The following ETV7 variants were observed in gnomAD, a reference collection of about 807,000 sequenced individuals.
ETV7 encodes the protein ETS variant transcription factor 7, also known as transcription factor ETV7.
A neutral mutation model predicts 39.1 loss-of-function variants in ETV7; 43 were observed. That is an observed-to-expected ratio of 1.10 (90% CI 0.86 to 1.42). The LOEUF is 1.42. Ranked by LOEUF, ETV7 falls within the 40% of genes most tolerant of loss-of-function variation. The pLI is 0.00. For missense variants in ETV7, 432 were observed against 442.3 expected, an observed-to-expected ratio of 0.98 and a Z score of 0.21; for synonymous variants, 196 against 176.6, an observed-to-expected ratio of 1.11 and a Z score of -0.87.
intron 3 of ETV7, 99 bp downstream of exon 3, chr6:36,375,772 A>G (rs943846745): frequency 8.9e-6 from 14 of 1,572,870 alleles, no homozygotes; most frequent in Non-Finnish European, 1.2e-5. Context: ...TCCCCAAGGA[A>G]GACCCCTCCA....
chr6:36,372,984 T>G (rs1773107437), intron 4 of ETV7, among the ~76,000 whole-genome samples: 2 of 148,390 alleles, frequency 1.3e-5, no homozygotes, highest in Non-Finnish European at 3.0e-5. Context: ...GAAGAGGAGG[T>G]CGAGGAGACA....
At chr6:36,371,125 A>G (rs1010935276) in intron 5 of ETV7, among the ~76,000 whole-genome samples, 4 of 152,178 alleles carry the variant, frequency 2.6e-5, no homozygotes, top group Non-Finnish European at 5.9e-5. Context: ...TGTGTGGGAG[A>G]CAGGGTGAGG....
At chr6:36,385,727 T>C (rs1773867874) in intron 1 of ETV7, 58 bp from the exon 2 acceptor site, 1 of 1,534,070 alleles carries the variant, frequency 6.5e-7, no homozygotes, top group African/African-American at 1.4e-5. Context: ...GGCTCAGCCA[T>C]CTTTAAATGT....
rs144876516 is a variant in ETV7 at position 36,375,953 on chromosome 6, G to T, written c.225C>A (p.Thr75=). The T allele has an allele frequency of 6.2e-7, 1 of 1,613,556 alleles. No homozygotes were observed. The highest frequency in any genetic ancestry group is 1.7e-5 in the Admixed American group (1 of 60,024). Residue 75 remains threonine (T), a synonymous_variant, in exon 3 of 8, where the codon ACC becomes ACA. Transcript: ENST00000340181. ...CGTTCATCTCGAACCCGTGCTCCGC[G>T]GTGCATGGCAGAGAGTACTCCTGCT... The part of the protein sequence containing the change: ...WAEQEYSLPC[T]AEHGFEMNGR...
At chr6:36,378,238 TG>T (rs369648073) in intron 2 of ETV7, among the ~76,000 whole-genome samples, 226 of 85,250 alleles carry the variant, frequency 2.7e-3, no homozygotes, top group Middle Eastern at 0.013. Flanking sequence ...TAATCTAATA[TG>T]GAAAAAAAAA....
intron 3 of ETV7, among the ~76,000 whole-genome samples, chr6:36,374,508 A>G (rs2127393700): frequency 6.6e-6 from 1 of 152,306 alleles, no homozygotes; most frequent in East Asian, 1.9e-4. Flanking sequence ...GAGGGATACA[A>G]TGTAGACAGT....
Position 36,373,443 on chromosome 6 carries a change from G to GCTT in ETV7, c.433+7_433+9dup, listed in dbSNP as rs1365285784. 8 of 1,546,744 alleles carry GCTT rather than the reference G, an allele frequency of 5.2e-6. No individual in the cohort carries two copies. The African/African-American group carries it at 1.1e-4, about 22-fold the overall frequency. The stretch of plus-strand genomic sequence containing the variant: ...GGAGGTACTCCGAGCACCACAGAGA[G>GCTT]CTTCCTCACCTTCCGGGGGGACTGG... On this transcript the variant is annotated intron_variant, in intron 4 of 7. Transcript: ENST00000340181.
Position 36,373,584 on chromosome 6 carries a change from G to T in ETV7, c.308-6C>A. The T allele has an allele frequency of 6.6e-7, 1 of 1,525,324 alleles. No individual in the cohort carries two copies. The highest frequency in any genetic ancestry group is 8.8e-7 in the Non-Finnish European group (1 of 1,136,714). The allele number at this position is 1,525,324 out of a possible 1,614,324, so 94.5% of individuals were successfully genotyped here. A position where few individuals can be genotyped will look rare whatever the true frequency, so the allele number is the denominator to read the frequency against. ...CAGCTCATACAGGACGTCACCTGGA[G>T]GTGGGTGGGAGGGAGGGCAGGCTGC... is the stretch of plus-strand genomic sequence containing the variant. On this transcript the variant is annotated splice_region_variant and splice_polypyrimidine_tract_variant and intron_variant, in intron 3 of 7. Coordinates refer to ENST00000340181, the MANE Select transcript of ETV7 (RefSeq NM_016135.4).
intron 6 of ETV7, among the ~76,000 whole-genome samples, chr6:36,368,114 C>G (rs530453424): frequency 7.1e-4 from 108 of 152,204 alleles, no homozygotes; most frequent in African/African-American, 2.4e-3. Context: ...CCTGTTCTGC[C>G]TCTTACATAG....
chr6:36,367,065 C>T, intron 6 of ETV7, 90 bp from the exon 7 acceptor site: 2 of 959,010 alleles, frequency 2.1e-6, no homozygotes, highest in Non-Finnish European at 3.4e-6. Context: ...TGGACAGCTT[C>T]TTAAGCCTCT....
In ETV7 at chr6:36,387,483, C is replaced by A. The variant is rs1259467805; in HGVS notation, c.6+53G>T. ...AAATCTAGGTGGTGAGGAAAGGATG[C>A]GGGAGCAGGTGGCTCTGCGTGCGCG... On this transcript the variant is annotated intron_variant, in intron 1 of 7. Coordinates refer to ENST00000340181, the MANE Select transcript of ETV7 (RefSeq NM_016135.4). 4.3e-6 allele frequency: 7 copies of A among 1,610,996 alleles called. No homozygotes were observed. In the African/African-American group the frequency reaches 6.8e-5, roughly 16 times the overall value.
At position 36,385,643 on chromosome 6, in the gene ETV7, T is replaced by C; in HGVS notation, c.33A>G (p.Ile11Met). The change falls in exon 2 of 8, where the codon ATA (isoleucine) becomes ATG (methionine). Residue 11 changes from isoleucine to methionine, a missense_variant. Physicochemically the swap from Ile to Met is conservative, Grantham distance 10 (BLOSUM62 1). Transcript: ENST00000340181. MQEGELAISP[I>M]SPVAAMPPLG... ...GGGGAGGCATGGCTGCCACAGGGCT[T>C]ATAGGAGAAATAGCCAATTCTCCCT... 1 of 1,613,428 alleles carries C rather than the reference T, an allele frequency of 6.2e-7. No individual in the cohort carries two copies. Among genetic ancestry groups the C allele is most frequent in the Non-Finnish European group, 8.5e-7 (1 of 1,179,678 alleles).
downstream of ETV7, among the ~76,000 whole-genome samples, chr6:36,362,100 C>A (rs937523353): frequency 6.6e-6 from 1 of 152,094 alleles, no homozygotes; most frequent in Non-Finnish European, 1.5e-5. Context: ...AGATCGAGAC[C>A]ATCCTGGCTA....
In ETV7 at chr6:36,373,484, C is replaced by G; in HGVS notation, c.402G>C (p.Thr134=). The change falls in exon 4 of 8, where the codon ACG becomes ACC. Residue 134 remains threonine (T), a synonymous_variant. Transcript: ENST00000340181. ...GGGGGACTGGAGAGTGCTGGGTGGG[C>G]GTCTTCAGCCTGAAGATCCCTCCAA... ...PFFGGIFRLK[T]PTQHSPVPPE... The G allele has an allele frequency of 1.9e-6, 3 of 1,580,564 alleles. No homozygotes were observed. Among genetic ancestry groups the G allele is most frequent in the Non-Finnish European group, 2.6e-6 (3 of 1,165,252 alleles).
downstream of ETV7, among the ~76,000 whole-genome samples, chr6:36,362,331 C>T (rs1401074280): frequency 1.3e-5 from 2 of 151,800 alleles, no homozygotes; most frequent in Admixed American, 6.6e-5. Context: ...GGTGTGGTGG[C>T]GGGTGCCTGT....
chr6:36,373,924 T>C (rs1247722334), intron 3 of ETV7, among the ~76,000 whole-genome samples: 1 of 152,212 alleles, frequency 6.6e-6, no homozygotes, highest in African/African-American at 2.4e-5. Context: ...CAACTGTACC[T>C]CACGTTCCTG....
At chr6:36,362,316 T>C (rs79196867), downstream of ETV7, among the ~76,000 whole-genome samples, 1 of 150,412 alleles carries the variant, frequency 6.6e-6, no homozygotes, top group Non-Finnish European at 1.5e-5. Flanking sequence ...AAAAAAAAAT[T>C]AGCTGGTGTG....
chr6:36,368,358 C>T (rs1005085016), intron 6 of ETV7, among the ~76,000 whole-genome samples: 2 of 152,074 alleles, frequency 1.3e-5, no homozygotes, highest in Non-Finnish European at 2.9e-5. Flanking sequence ...TTAAAGAAAC[C>T]TATTTATTTT....
rs1773558121 is a variant in ETV7, at chr6:36,379,709, C to T, written c.143-3674G>A. On this transcript the variant is annotated intron_variant, in intron 2 of 7. Transcript: ENST00000340181. ...TGGCCAACATGGTGAAACCCCATCT[C>T]TACTAAAAATAAAAAAATTAGCCAG... Among the ~76,000 whole-genome samples the T allele has an allele frequency of 2.6e-5, 4 of 151,926 alleles. No homozygotes were observed. The South Asian group carries it at 8.3e-4, about 32-fold the overall frequency.
Sources: gnomAD v4.1 joint callset for allele counts (sites outside exome capture counted in the v4.1 genomes callset) on GRCh38, gnomAD v4.1.1 for gene constraint, MANE v1.5 for transcripts, NCBI Gene and HGNC (gene_info 2026-07-23, HGNC 2026-07-21) for gene names.